ROBO1: variants seen among roughly 807,000 people sequenced by gnomAD.
The protein encoded by ROBO1 is roundabout homolog 1.
Under a neutral mutation model 195.9 loss-of-function variants are expected in ROBO1, and 149 were observed. The observed-to-expected ratio is 0.76, with a 90% CI of 0.67 to 0.87. The LOEUF is 0.87. Among genes scored for constraint, ROBO1 ranks in the 40% least tolerant of loss-of-function variants. ROBO1 has a pLI of 0.00. For missense variants in ROBO1, 1,933 were observed against 2,068.3 expected (o/e 0.93, Z 1.27); for synonymous variants, 816 against 733.2 (o/e 1.11, Z -1.82).
At chr3:79,211,662 G>T (rs2081967691) in intron 2 of ROBO1, among the ~76,000 whole-genome samples, 1 of 152,152 alleles carries the variant, frequency 6.6e-6, no homozygotes, top group Admixed American at 6.5e-5. Flanking sequence ...TGAGATAGGA[G>T]GACAGTTTTG....
At chr3:79,527,251 T>A (rs967562733) in intron 2 of ROBO1, among the ~76,000 whole-genome samples, 1 of 152,064 alleles carries the variant, frequency 6.6e-6, no homozygotes, top group Non-Finnish European at 1.5e-5. Flanking sequence ...TTCAAAAAAA[T>A]TTTGGAAAGT....
chr3:78,920,064 T>C (rs2038849395), intron 4 of ROBO1, among the ~76,000 whole-genome samples: 2 of 152,182 alleles, frequency 1.3e-5, no homozygotes, highest in South Asian at 2.1e-4. Context: ...GGAAAACAAA[T>C]AGGAAAATGT....
rs58418653 is a variant in ROBO1, at chr3:78,805,017, G to T, written c.500-58117C>A. Among the ~76,000 whole-genome samples the T allele has an allele frequency of 9.6e-3, 1,467 of 152,112 alleles. 17 individuals carry two copies. The highest frequency in any genetic ancestry group is 0.033 in the African/African-American group (1,386 of 41,490). On this transcript the variant is annotated intron_variant, in intron 4 of 30. Transcript: ENST00000464233. ...TTCCTTTATATGGCTTCCTGTTTGT[G>T]CCTGTTTATTAAATGCCCCTTTCCA... is the stretch of plus-strand genomic sequence containing the variant.
chr3:78,917,344 C>CA (rs2038672020), intron 4 of ROBO1, among the ~76,000 whole-genome samples: 1 of 151,800 alleles, frequency 6.6e-6, no homozygotes, highest in Admixed American at 6.6e-5. Flanking sequence ...ATCCACTAGT[C>CA]AGAGTTTGTT....
intron 29 of ROBO1, among the ~76,000 whole-genome samples, chr3:78,604,045 A>C (rs1230573394): frequency 6.6e-6 from 1 of 151,538 alleles, no homozygotes; most frequent in Non-Finnish European, 1.5e-5. Flanking sequence ...CCTACTTTTT[A>C]ATTTTTTAAA....
chr3:79,264,420 T>C (rs1037481207), intron 2 of ROBO1, among the ~76,000 whole-genome samples: 38 of 151,908 alleles, frequency 2.5e-4, no homozygotes, highest in African/African-American at 9.2e-4. Context: ...TAATTTTCTT[T>C]ATCACAATTT....
intron 3 of ROBO1, among the ~76,000 whole-genome samples, chr3:78,944,837 C>T (rs2040331870): frequency 1.3e-5 from 2 of 152,184 alleles, no homozygotes; most frequent in Non-Finnish European, 2.9e-5. Context: ...TTCCAATGGA[C>T]TTAAAAAACG....
At chr3:79,178,685 G>T (rs1479970313) in intron 2 of ROBO1, among the ~76,000 whole-genome samples, 2 of 152,184 alleles carry the variant, frequency 1.3e-5, no homozygotes, top group Non-Finnish European at 2.9e-5. Flanking sequence ...TTAATTTACT[G>T]CCAGGAGCTG....
intron 3 of ROBO1, among the ~76,000 whole-genome samples, chr3:79,015,311 C>A: frequency 6.6e-6 from 1 of 151,620 alleles, no homozygotes; most frequent in East Asian, 1.9e-4. Context: ...GACCAGAGAC[C>A]AGACAATTGG....
At chr3:79,281,728 T>A (rs969222206) in intron 2 of ROBO1, among the ~76,000 whole-genome samples, 1 of 152,168 alleles carries the variant, frequency 6.6e-6, no homozygotes, top group Non-Finnish European at 1.5e-5. Flanking sequence ...GAGAAGAAAG[T>A]TATTGCAGTC....
At chr3:78,975,036 T>C (rs971990295) in intron 3 of ROBO1, among the ~76,000 whole-genome samples, 1 of 152,108 alleles carries the variant, frequency 6.6e-6, no homozygotes, top group African/African-American at 2.4e-5. Context: ...TTAATTTGAT[T>C]AGTAATTTTC....
intron 1 of ROBO1, among the ~76,000 whole-genome samples, chr3:79,606,744 G>GTCC (rs1290655026): frequency 1.1e-4 from 15 of 139,130 alleles, no homozygotes; most frequent in South Asian, 2.3e-4. Flanking sequence ...GGGCCACTTA[G>GTCC]ACCACCTGTG....
intron 2 of ROBO1, among the ~76,000 whole-genome samples, chr3:79,363,139 A>G (rs2035834918): frequency 6.6e-6 from 1 of 152,166 alleles, no homozygotes; most frequent in African/African-American, 2.4e-5. Context: ...ATGAAACAAT[A>G]TGATTTTATG....
At chr3:78,923,968 C>T (rs1015620788) in intron 4 of ROBO1, among the ~76,000 whole-genome samples, 2 of 151,580 alleles carry the variant, frequency 1.3e-5, no homozygotes, top group African/African-American at 4.8e-5. Flanking sequence ...GACCTGAACT[C>T]CTTAGGGAAG....
intron 1 of ROBO1, among the ~76,000 whole-genome samples, chr3:79,606,956 G>A (rs1944505140): frequency 1.3e-5 from 2 of 151,866 alleles, no homozygotes; most frequent in South Asian, 2.1e-4. Flanking sequence ...TATACAGTAA[G>A]TCCCCGCTAT....
Position 79,021,779 on chromosome 3 carries a change from G to A in ROBO1, c.173-82852C>T, listed in dbSNP as rs568637086. 2.3e-4 allele frequency among the ~76,000 whole-genome samples: 35 copies of A among 150,174 alleles called. No individual in the cohort carries two copies. In the South Asian group the frequency reaches 7.4e-3, roughly 32 times the overall value. On this transcript the variant is annotated intron_variant, in intron 3 of 30. Coordinates refer to ENST00000464233, the MANE Select transcript of ROBO1 (RefSeq NM_002941.4). ...GGGTTCACGCCATTCTCCTGCCTCA[G>A]CCTCCCAAGTAGCTGGGACTACAGG...
rs1018487259 is a variant in ROBO1, at chr3:78,894,151, T to C, written c.499+44450A>G. Among the ~76,000 whole-genome samples the C allele has an allele frequency of 3.9e-5, 6 of 152,086 alleles. No individual in the cohort carries two copies. In the South Asian group the frequency reaches 8.3e-4, roughly 21 times the overall value. On this transcript the variant is annotated intron_variant, in intron 4 of 30. Coordinates refer to ENST00000464233, the MANE Select transcript of ROBO1 (RefSeq NM_002941.4). The stretch of plus-strand genomic sequence containing the variant: ...ATATATGGTTCTAACGGTGGGAAAA[T>C]AGATTAAAAAGGAACATAAATTAAT...
At chr3:79,077,788 T>G (rs1304171779) in intron 3 of ROBO1, among the ~76,000 whole-genome samples, 1 of 151,910 alleles carries the variant, frequency 6.6e-6, no homozygotes, top group Admixed American at 6.6e-5. Context: ...TAAAAAGACA[T>G]GCCAAATGCT....
At chr3:79,602,957 C>T (rs189451265) in intron 1 of ROBO1, among the ~76,000 whole-genome samples, 11 of 152,038 alleles carry the variant, frequency 7.2e-5, no homozygotes, top group Admixed American at 2.0e-4. Flanking sequence ...GCGATATTAG[C>T]CATAAATACA....
Sources: allele counts gnomAD v4.1 joint callset (sites outside exome capture counted in the v4.1 genomes callset), GRCh38; gene constraint gnomAD v4.1.1; transcripts MANE v1.5; gene names NCBI Gene and HGNC (gene_info 2026-07-23, HGNC 2026-07-21).